ATP8A2: variants seen among roughly 807,000 people sequenced by gnomAD.
ATP8A2 encodes ATPase phospholipid transporting 8A2, also known as phospholipid-transporting ATPase IB.
Under a neutral mutation model 165.6 loss-of-function variants are expected in ATP8A2, and 100 were observed. That is an observed-to-expected ratio of 0.60 (90% CI 0.51 to 0.71). The LOEUF is 0.71. Ranked by LOEUF, ATP8A2 falls within the 30% of genes least tolerant of loss-of-function variation. The probability of loss-of-function intolerance (pLI) is 0.00; values close to 1 mark genes in which losing one functional copy is unlikely to be tolerated. For missense variants in ATP8A2, 1,227 were observed against 1,479.5 expected (o/e 0.83, Z 2.80); for synonymous variants, 543 against 548.8 (o/e 0.99, Z 0.15).
At chr13:25,726,662 C>T (rs565376811) in intron 25 of ATP8A2, among the ~76,000 whole-genome samples, 1 of 152,288 alleles carries the variant, frequency 6.6e-6, no homozygotes, top group East Asian at 1.9e-4. Context: ...AATCTCAGAT[C>T]ATCTCCCCAC....
intron 32 of ATP8A2, 99 bp downstream of exon 32, chr13:25,860,959 A>G (rs759513663): frequency 2.7e-5 from 22 of 801,544 alleles, no homozygotes; most frequent in Middle Eastern, 2.3e-4. Flanking sequence ...ATATCTGGCT[A>G]TCTTCTTTCA....
intron 16 of ATP8A2, chr13:25,567,439 G>C: frequency 2.2e-6 from 1 of 455,518 alleles, no homozygotes; most frequent in South Asian, 1.6e-5. Flanking sequence ...CCTCCTCATC[G>C]TCTGCCCTCC....
At chr13:25,507,443 T>C (rs1483249118) in intron 2 of ATP8A2, among the ~76,000 whole-genome samples, 1 of 152,024 alleles carries the variant, frequency 6.6e-6, no homozygotes. Flanking sequence ...TTTTTGTATT[T>C]TTAGTAGAGA....
chr13:25,482,580 G>A lies in ATP8A2; in HGVS notation c.221+13459G>A, dbSNP rs186214820. 1.0e-3 allele frequency among the ~76,000 whole-genome samples: 154 copies of A among 152,238 alleles called. 1 individual carries two copies. The highest frequency in any genetic ancestry group is 2.0e-3 in the Non-Finnish European group (134 of 68,002). On this transcript the variant is annotated intron_variant, in intron 2 of 36. Coordinates refer to ENST00000381655, the MANE Select transcript of ATP8A2 (RefSeq NM_016529.6). ...GTGTATGTCTTTCCAGAAAAGATGT[G>A]GAAGAAGAAGGTGATGTGGTTTGGC...
chr13:25,378,851 G>A (rs1427186726), intron 1 of ATP8A2, among the ~76,000 whole-genome samples: 1 of 152,160 alleles, frequency 6.6e-6, no homozygotes, highest in African/African-American at 2.4e-5. Flanking sequence ...AGTGAGTCTG[G>A]TGCTGTGAGA....
chr13:25,779,040 T>A (rs2044808888), intron 27 of ATP8A2, among the ~76,000 whole-genome samples: 1 of 151,742 alleles, frequency 6.6e-6, no homozygotes, highest in South Asian at 2.1e-4. Context: ...AGTGCAAGTG[T>A]GAACATGGGA....
At chr13:25,959,424 G>A (rs1955605527) in intron 33 of ATP8A2, among the ~76,000 whole-genome samples, 1 of 152,188 alleles carries the variant, frequency 6.6e-6, no homozygotes, top group Admixed American at 6.5e-5. Flanking sequence ...ACACCCCACT[G>A]TTTTTGAAGT....
chr13:25,942,904 A>C (rs1955109057), intron 33 of ATP8A2, among the ~76,000 whole-genome samples: 1 of 152,110 alleles, frequency 6.6e-6, no homozygotes, highest in African/African-American at 2.4e-5. Flanking sequence ...GATGTTTTCC[A>C]TTTGGACGAG....
chr13:25,598,483 C>T (rs947426009), intron 24 of ATP8A2, among the ~76,000 whole-genome samples: 21 of 152,220 alleles, frequency 1.4e-4, no homozygotes, highest in Admixed American at 7.2e-4. Flanking sequence ...ATTCTATGAA[C>T]GTGGGATATC....
intron 27 of ATP8A2, among the ~76,000 whole-genome samples, chr13:25,804,191 A>G (rs913922967): frequency 1.3e-5 from 2 of 152,060 alleles, no homozygotes; most frequent in African/African-American, 4.8e-5. Flanking sequence ...GTCTTAATTA[A>G]TAGTCATTTT....
In ATP8A2 at chr13:25,571,657, A is replaced by G. The variant is rs2138183046; in HGVS notation, c.1627A>G (p.Thr543Ala). Reference protein sequence around the residue: ...KGAKKLGFVFTARTPFSVIIE... With the variant: ...KGAKKLGFVFAARTPFSVIIE... ...AGCTAAAAAGCTGGGCTTTGTCTTCACAGCCAGAACACCATTCTCAGTCAT... is the reference window on the plus strand; with the variant it reads ...AGCTAAAAAGCTGGGCTTTGTCTTCGCAGCCAGAACACCATTCTCAGTCAT... Residue 543 changes from threonine (T) to alanine (A), a missense_variant, in exon 18 of 37, where the codon ACA (threonine) becomes GCA (alanine). Thr to Ala is a moderately conservative substitution (Grantham distance 58, BLOSUM62 0). Transcript: ENST00000381655. 6.2e-7 allele frequency: 1 copy of G among 1,614,116 alleles called. No homozygotes were observed. Among genetic ancestry groups the G allele is most frequent in the Middle Eastern group, 1.7e-4 (1 of 6,036 alleles).
At chr13:25,379,039 G>T (rs759212461) in intron 1 of ATP8A2, among the ~76,000 whole-genome samples, 2 of 152,204 alleles carry the variant, frequency 1.3e-5, no homozygotes, top group Non-Finnish European at 2.9e-5. Flanking sequence ...AAATACTCCA[G>T]ATAGGAGAAA....
At chr13:25,955,634 A>C (rs551813952) in intron 33 of ATP8A2, among the ~76,000 whole-genome samples, 4 of 152,358 alleles carry the variant, frequency 2.6e-5, no homozygotes, top group African/African-American at 9.6e-5. Context: ...GCAATAGTTA[A>C]TAGCCTACCA....
At chr13:25,471,106 C>T (rs995159666) in intron 2 of ATP8A2, among the ~76,000 whole-genome samples, 1 of 152,090 alleles carries the variant, frequency 6.6e-6, no homozygotes, top group East Asian at 1.9e-4. Flanking sequence ...TACACCTTCT[C>T]GCATGTGTTT....
chr13:25,838,079 G>A (rs928119990), intron 29 of ATP8A2, among the ~76,000 whole-genome samples: 2 of 152,206 alleles, frequency 1.3e-5, no homozygotes, highest in Admixed American at 6.5e-5. Flanking sequence ...TGGTCTTTGC[G>A]CAGGGGGGAT....
chr13:26,009,642 AG>A (rs1265641479), intron 35 of ATP8A2, among the ~76,000 whole-genome samples: 1 of 151,950 alleles, frequency 6.6e-6, no homozygotes, highest in East Asian at 1.9e-4. Flanking sequence ...CAAATAACTG[AG>A]GTGGTGGATG....
At chr13:25,512,688 A>AC (rs1312894956) in intron 2 of ATP8A2, among the ~76,000 whole-genome samples, 9 of 113,506 alleles carry the variant, frequency 7.9e-5, no homozygotes, top group Non-Finnish European at 9.0e-5. Flanking sequence ...CGGGGGGCTG[A>AC]CCCCCCAACC....
intron 24 of ATP8A2, among the ~76,000 whole-genome samples, chr13:25,592,147 T>G (rs2040101042): frequency 6.6e-6 from 1 of 152,144 alleles, no homozygotes; most frequent in Non-Finnish European, 1.5e-5. Context: ...TGCCTTTTGG[T>G]CATTTGTATA....
chr13:25,837,422 ACCAC>A lies in ATP8A2; in HGVS notation c.2877+138_2877+141del, dbSNP rs1242352542. ...GAAAACATGATCCACTCACCCCACC[ACCAC>A]ACACACACACACACACACACACACA... On this transcript the variant is annotated intron_variant, in intron 29 of 36. Transcript: ENST00000381655. 3.2e-5 allele frequency: 13 copies of A among 400,118 alleles called. 1 individual carries two copies. The Admixed American group carries it at 3.3e-4, about 10-fold the overall frequency. 24.8% of individuals were successfully genotyped at this position (400,118 alleles called of 1,614,324 possible).
Sources: gnomAD v4.1 joint callset for allele counts (sites outside exome capture counted in the v4.1 genomes callset) on GRCh38, gnomAD v4.1.1 for gene constraint, MANE v1.5 for transcripts, NCBI Gene and HGNC (gene_info 2026-07-23, HGNC 2026-07-21) for gene names.